ADAMTS17: variants seen among roughly 807,000 people sequenced by gnomAD.
ADAMTS17 encodes ADAM metallopeptidase with thrombospondin type 1 motif 17, also known as A disintegrin and metalloproteinase with thrombospondin motifs 17.
A neutral mutation model predicts 141.5 loss-of-function variants in ADAMTS17; 113 were observed. The observed-to-expected ratio is 0.80, with a 90% CI of 0.69 to 0.93. The LOEUF (loss-of-function observed/expected upper bound fraction) is 0.93, where lower values mean the gene tolerates loss of function less well. Ranked by LOEUF, ADAMTS17 falls within the 40% of genes least tolerant of loss-of-function variation. The probability of loss-of-function intolerance (pLI) is 0.00; values close to 1 mark genes in which losing one functional copy is unlikely to be tolerated. For synonymous variants in ADAMTS17, 768 were observed against 630.6 expected, an observed-to-expected ratio of 1.22 and a Z score of -3.27; for missense variants, 1,659 against 1,517.9, an observed-to-expected ratio of 1.09 and a Z score of -1.54.
intron 7 of ADAMTS17, among the ~76,000 whole-genome samples, chr15:100,248,387 C>T (rs1341935726): frequency 2.0e-5 from 3 of 152,158 alleles, no homozygotes; most frequent in East Asian, 1.9e-4. Flanking sequence ...TGGAGAGAAG[C>T]GGCTGCTGTC....
intron 2 of ADAMTS17, among the ~76,000 whole-genome samples, chr15:100,340,668 A>G (rs1220638446): frequency 6.6e-6 from 1 of 152,144 alleles, no homozygotes; most frequent in East Asian, 1.9e-4. Context: ...ACACTTTGAC[A>G]CGGCGGTGCA....
At chr15:100,117,263 A>C (rs1159100080) in intron 12 of ADAMTS17, among the ~76,000 whole-genome samples, 3 of 152,136 alleles carry the variant, frequency 2.0e-5, no homozygotes, top group Admixed American at 2.0e-4. Context: ...GAAGGCAGTG[A>C]GTATGAGTTT....
chr15:100,078,142 G>A (rs891421963), intron 15 of ADAMTS17, among the ~76,000 whole-genome samples: 28 of 151,014 alleles, frequency 1.9e-4, no homozygotes, highest in African/African-American at 6.1e-4. Flanking sequence ...TGGATCAGAT[G>A]ACATTGTAAA....
intron 12 of ADAMTS17, among the ~76,000 whole-genome samples, chr15:100,124,400 G>C (rs2037613441): frequency 6.6e-6 from 1 of 152,244 alleles, no homozygotes; most frequent in Admixed American, 6.5e-5. Flanking sequence ...TGTTGATGAG[G>C]AAAGTACCAA....
chr15:100,185,484 A>G (rs764569135), intron 8 of ADAMTS17, among the ~76,000 whole-genome samples: 5 of 152,224 alleles, frequency 3.3e-5, no homozygotes, highest in Admixed American at 1.3e-4. Flanking sequence ...TCAGAGATCA[A>G]TTCAAACCTC....
chr15:100,319,768 T>C (rs1206248424), intron 3 of ADAMTS17, among the ~76,000 whole-genome samples: 1 of 151,142 alleles, frequency 6.6e-6, no homozygotes, highest in Non-Finnish European at 1.5e-5. Context: ...CAAATAATTA[T>C]ACTAAGAAGA....
At chr15:100,113,098 C>T (rs1229602189) in intron 13 of ADAMTS17, among the ~76,000 whole-genome samples, 2 of 152,160 alleles carry the variant, frequency 1.3e-5, no homozygotes, top group East Asian at 3.8e-4. Flanking sequence ...CCCAACCCGG[C>T]CCCCTCATCA....
chr15:100,270,773 C>A (rs2043879273), intron 4 of ADAMTS17, among the ~76,000 whole-genome samples: 2 of 148,464 alleles, frequency 1.3e-5, no homozygotes, highest in South Asian at 2.2e-4. Context: ...AAAATTTTAC[C>A]ATTTTAAACA....
At chr15:100,003,351 AGAG>A (rs2060968359) in intron 18 of ADAMTS17, among the ~76,000 whole-genome samples, 1 of 152,050 alleles carries the variant, frequency 6.6e-6, no homozygotes, top group African/African-American at 2.4e-5. Flanking sequence ...TCACTGCTGC[AGAG>A]GAGGTGAACA....
intron 18 of ADAMTS17, among the ~76,000 whole-genome samples, chr15:100,002,871 A>G (rs764688637): frequency 1.3e-5 from 2 of 151,582 alleles, no homozygotes; most frequent in Admixed American, 6.6e-5. Flanking sequence ...AGTTCTTACA[A>G]TCTCCCTCCT....
At chr15:100,068,193 T>C (rs904786924) in intron 15 of ADAMTS17, among the ~76,000 whole-genome samples, 7 of 151,934 alleles carry the variant, frequency 4.6e-5, no homozygotes, top group South Asian at 2.1e-4. Context: ...AAGGCGGCAG[T>C]GAGGCTGGGG....
At chr15:100,106,669 T>G (rs2036430897) in intron 14 of ADAMTS17, among the ~76,000 whole-genome samples, 1 of 152,142 alleles carries the variant, frequency 6.6e-6, no homozygotes, top group Non-Finnish European at 1.5e-5. Flanking sequence ...TGGCAGAGGC[T>G]GGGGATGGCT....
At chr15:100,325,395 G>T (rs1396626312) in intron 3 of ADAMTS17, among the ~76,000 whole-genome samples, 3 of 152,228 alleles carry the variant, frequency 2.0e-5, no homozygotes, top group Non-Finnish European at 4.4e-5. Flanking sequence ...CAATGACTGG[G>T]ATCCTCCTAA....
chr15:99,980,711 T>A (rs531313255), intron 20 of ADAMTS17: 130 of 152,390 alleles, frequency 8.5e-4, no homozygotes, highest in African/African-American at 2.9e-3. Flanking sequence ...CTGATATGTA[T>A]GTGAAAATCA....
At chr15:100,278,187 T>C (rs1478748773) in intron 4 of ADAMTS17, among the ~76,000 whole-genome samples, 2 of 152,168 alleles carry the variant, frequency 1.3e-5, no homozygotes, top group Admixed American at 6.5e-5. Flanking sequence ...GAAGTTTCCA[T>C]TTTGTGGACA....
intron 8 of ADAMTS17, among the ~76,000 whole-genome samples, chr15:100,172,397 A>G (rs2040193106): frequency 6.6e-6 from 1 of 152,208 alleles, no homozygotes; most frequent in African/African-American, 2.4e-5. Context: ...CCTCCATTTT[A>G]AAGTTTAACT....
chr15:100,325,269 C>T (rs1345276046), intron 3 of ADAMTS17, among the ~76,000 whole-genome samples: 3 of 152,162 alleles, frequency 2.0e-5, no homozygotes, highest in African/African-American at 7.2e-5. Context: ...CAGAACCCTG[C>T]CAGATTCCTA....
intron 7 of ADAMTS17, among the ~76,000 whole-genome samples, chr15:100,249,150 C>G (rs2043075701): frequency 6.6e-6 from 1 of 152,172 alleles, no homozygotes; most frequent in South Asian, 2.1e-4. Context: ...TCAAATCCAC[C>G]CAGTACAGAG....
rs571505153 is a variant in ADAMTS17, at chr15:99,985,350, AG to A, written c.2949+7697del. 3.3e-4 allele frequency among the ~76,000 whole-genome samples: 51 copies of A among 152,326 alleles called. 2 individuals are homozygous for A. In the South Asian group the frequency reaches 0.01, roughly 31 times the overall value. On this transcript the variant is annotated intron_variant, in intron 20 of 21. Transcript: ENST00000268070. ...GGCACAGTTTCATGTGTCCCAGAAA[AG>A]GGCCCCAGGGTCCCCAGTGCCTTGT...
Sources: allele counts gnomAD v4.1 joint callset (sites outside exome capture counted in the v4.1 genomes callset), GRCh38; gene constraint gnomAD v4.1.1; transcripts MANE v1.5; gene names NCBI Gene and HGNC (gene_info 2026-07-23, HGNC 2026-07-21).